Variants in L3MBTL2 observed in about 807,000 individuals in gnomAD.
L3MBTL2 encodes the protein lethal(3)malignant brain tumor-like protein 2.
In L3MBTL2, 49 loss-of-function variants were observed where a neutral mutation model predicts 86.4. The ratio of observed to expected loss-of-function variants is 0.57; its 90% CI spans 0.45 to 0.72. The LOEUF is 0.72. Among genes scored for constraint, L3MBTL2 ranks in the 30% least tolerant of loss-of-function variants. The pLI is 0.00. For missense variants in L3MBTL2, 755 were observed against 923.7 expected (o/e 0.82, Z 2.37); for synonymous variants, 336 against 350.6 (o/e 0.96, Z 0.47).
intron 12 of L3MBTL2, among the ~76,000 whole-genome samples, chr22:41,226,234 G>A (rs1471780266): frequency 5.3e-5 from 8 of 152,004 alleles, no homozygotes; most frequent in Non-Finnish European, 1.2e-4. Context: ...CCGAGATCAT[G>A]CCATTGCACT....
In L3MBTL2 at chr22:41,227,850, G is replaced by A; in HGVS notation, c.1869G>A (p.Lys623=). The change falls in exon 15 of 17, where the codon AAG becomes AAA. Residue 623 remains lysine, a synonymous_variant. Transcript: ENST00000216237. The surrounding 1 kb of genome is among the most constrained non-coding windows in gnomAD (Gnocchi z 6.0). The part of the protein sequence containing the change: ...LKAKEATKKK[K]KQFGKKRKRI... The stretch of plus-strand genomic sequence containing the variant: ...CCAAAGAGGCCACAAAGAAGAAAAA[G>A]AAACAGTTTGGGAAGAAAAGTAAGT... The A allele has an allele frequency of 1.9e-6, 3 of 1,612,552 alleles. No homozygotes were observed. Among genetic ancestry groups the A allele is most frequent in the Non-Finnish European group, 1.7e-6 (2 of 1,179,262 alleles).
In L3MBTL2 at chr22:41,230,437, C is replaced by T. The variant is rs2032523411; in HGVS notation, c.*186C>T. On this transcript the variant is annotated 3_prime_UTR_variant, in exon 17 of 17. Coordinates refer to ENST00000216237, the MANE Select transcript of L3MBTL2 (RefSeq NM_031488.5). ...TCCTGGGACCCGCCTGTTGCTTCTGCCCTCCCCTGTGGAAAGGTCTATATG... is the reference window on the plus strand; with the variant it reads ...TCCTGGGACCCGCCTGTTGCTTCTGTCCTCCCCTGTGGAAAGGTCTATATG... 6.7e-6 allele frequency: 4 copies of T among 592,890 alleles called. No individual in the cohort carries two copies. Among genetic ancestry groups the T allele is most frequent in the Admixed American group, 3.0e-5 (1 of 33,316 alleles). The allele number at this position is 592,890 out of a possible 1,614,324, so 36.7% of individuals were successfully genotyped here.
In L3MBTL2 at chr22:41,227,744, G is replaced by C. The variant is rs2032286858; in HGVS notation, c.1823-60G>C. The C allele has an allele frequency of 8.1e-6, 13 of 1,611,564 alleles. No individual in the cohort carries two copies. Among genetic ancestry groups the C allele is most frequent in the Non-Finnish European group, 1.1e-5 (13 of 1,178,556 alleles). ...GGATGGGGTCTCGGGATGCGCCTGT[G>C]CCCTGTGTCCTCCCAGGGACCCTCT... On this transcript the variant is annotated intron_variant, in intron 14 of 16. Transcript: ENST00000216237. The surrounding 1 kb of genome is among the most constrained non-coding windows in gnomAD (Gnocchi z 6.0).
intron 1 of L3MBTL2, among the ~76,000 whole-genome samples, chr22:41,208,877 G>A (rs1199396949): frequency 6.6e-6 from 1 of 151,870 alleles, no homozygotes; most frequent in Non-Finnish European, 1.5e-5. Context: ...CAAGTACCTG[G>A]GATTACAGGC....
At chr22:41,216,633 G>A (rs1330141088) in intron 4 of L3MBTL2, among the ~76,000 whole-genome samples, 1 of 152,168 alleles carries the variant, frequency 6.6e-6, no homozygotes, top group African/African-American at 2.4e-5. Context: ...GCCTCTCTCT[G>A]AGTGTGTAGC....
At chr22:41,228,127 G>GT (rs2032320470) in intron 15 of L3MBTL2, 4 of 985,472 alleles carry the variant, frequency 4.1e-6, no homozygotes, top group Non-Finnish European at 4.8e-6. Flanking sequence ...AGGAAAAGAG[G>GT]TAAGAGATTG....
In L3MBTL2 at chr22:41,220,745, C is replaced by T. The variant is rs1402679245; in HGVS notation, c.730C>T (p.Leu244=). 1.9e-6 allele frequency: 3 copies of T among 1,612,926 alleles called. No individual in the cohort carries two copies. The highest frequency in any genetic ancestry group is 2.5e-6 in the Non-Finnish European group (3 of 1,179,376). The part of the protein sequence containing the change: ...SVIQTAGYRV[L]LRYEGFENDA... The stretch of plus-strand genomic sequence containing the variant: ...TCCTTTCCTTTCAGGGTATCGGGTG[C>T]TGCTTCGGTATGAAGGCTTTGAAAA... The change falls in exon 7 of 17, where the codon CTG becomes TTG. Residue 244 remains leucine (L), a synonymous_variant. Coordinates refer to ENST00000216237, the MANE Select transcript of L3MBTL2 (RefSeq NM_031488.5).
At position 41,225,350 on chromosome 22, in the gene L3MBTL2, G is replaced by A. The variant is rs750503438; in HGVS notation, c.1356+279G>A. Among the ~76,000 whole-genome samples, 7 of 152,180 alleles carry A rather than the reference G, an allele frequency of 4.6e-5. No individual in the cohort carries two copies. The highest frequency in any genetic ancestry group is 8.8e-5 in the Non-Finnish European group (6 of 68,030). ...GGCCCCTCCCTGTCACCTCACTGGG[G>A]CCTTCTTGCTGTGTGCCATCTCCTT... On this transcript the variant is annotated intron_variant, in intron 11 of 16. Transcript: ENST00000216237. This position sits in a 1 kb window ranked among gnomAD's most constrained non-coding sequence, Gnocchi z 4.1.
Position 41,230,541 on chromosome 22 carries a change from C to T in L3MBTL2, c.*290C>T, listed in dbSNP as rs2032531264. On this transcript the variant is annotated 3_prime_UTR_variant, in exon 17 of 17. Transcript: ENST00000216237. ...GTTCCCAAAGCTGGAACGCTAGCTG[C>T]CTGCTCTTCCTTAAGATGGCCTCCC... 2.4e-6 allele frequency: 1 copy of T among 418,652 alleles called. No homozygotes were observed. Among genetic ancestry groups the T allele is most frequent in the African/African-American group, 2.0e-5 (1 of 49,064 alleles). 25.9% of individuals were successfully genotyped at this position (418,652 alleles called of 1,614,324 possible).
chr22:41,230,079 G>GA, intron 16 of L3MBTL2, 60 bp from the exon 17 acceptor site: 2 of 532,748 alleles, frequency 3.8e-6, no homozygotes, highest in South Asian at 3.4e-5. Flanking sequence ...CAGCTCCTCC[G>GA]CCCCCACCCC....
chr22:41,216,837 T>C (rs779519121), intron 4 of L3MBTL2, among the ~76,000 whole-genome samples: 1 of 152,198 alleles, frequency 6.6e-6, no homozygotes, highest in African/African-American at 2.4e-5. Context: ...CCCAGGGATA[T>C]TTCAGTTTTC....
chr22:41,205,507 G>A, intron 1 of L3MBTL2, 121 bp downstream of exon 1: 5 of 1,222,054 alleles, frequency 4.1e-6, no homozygotes, highest in South Asian at 1.2e-5. Flanking sequence ...TGGATAAACT[G>A]AGGTAGTTAA....
intron 8 of L3MBTL2, 196 bp downstream of exon 8, chr22:41,221,483 G>GCC: frequency 1.7e-6 from 1 of 589,824 alleles, no homozygotes. Context: ...GTCGGCCACT[G>GCC]CCCCACCCAG....
Position 41,227,022 on chromosome 22 carries a change from G to A in L3MBTL2, c.1588-67G>A, listed in dbSNP as rs1387511972. The stretch of plus-strand genomic sequence containing the variant: ...CCTGCCAGTTCTTCAAGTGCCTCCG[G>A]GCCGGGGCAAGCCTGCTGGGGTAGG... On this transcript the variant is annotated intron_variant, in intron 13 of 16. Transcript: ENST00000216237. The surrounding 1 kb of genome is among the most constrained non-coding windows in gnomAD (Gnocchi z 6.0). 1.4e-6 allele frequency: 2 copies of A among 1,418,864 alleles called. No homozygotes were observed. Among genetic ancestry groups the A allele is most frequent in the Non-Finnish European group, 1.9e-6 (2 of 1,036,586 alleles). 87.9% of individuals were successfully genotyped at this position (1,418,864 alleles called of 1,614,324 possible).
At chr22:41,228,326 G>C in intron 15 of L3MBTL2, 1 of 985,490 alleles carries the variant, frequency 1.0e-6, no homozygotes, top group Non-Finnish European at 1.2e-6. Flanking sequence ...AGGCAGCTGA[G>C]TGGCAGGACT....
intron 2 of L3MBTL2, among the ~76,000 whole-genome samples, chr22:41,212,417 G>C (rs1265849631): frequency 7.8e-6 from 1 of 128,580 alleles, no homozygotes; most frequent in Non-Finnish European, 1.6e-5. Flanking sequence ...TTTTTTTTGA[G>C]ACAGCGTTTC....
rs1338358821 is a variant in L3MBTL2, at chr22:41,227,825, C to T, written c.1844C>T (p.Ala615Val). ...ACAGAACCGGCCACACCGCTGAAGG[C>T]CAAAGAGGCCACAAAGAAGAAAAAG... ...VAAEPATPLK[A>V]KEATKKKKKQ... The change falls in exon 15 of 17, where the codon GCC becomes GTC. Residue 615 changes from alanine to valine, a missense_variant. Physicochemically the swap from Ala to Val is moderately conservative, Grantham distance 64. Transcript: ENST00000216237. The surrounding 1 kb of genome is among the most constrained non-coding windows in gnomAD (Gnocchi z 6.0). 6.2e-7 allele frequency: 1 copy of T among 1,613,844 alleles called. No individual in the cohort carries two copies. The highest frequency in any genetic ancestry group is 2.2e-5 in the East Asian group (1 of 44,866).
At chr22:41,210,789 C>T (rs1289369656) in intron 2 of L3MBTL2, among the ~76,000 whole-genome samples, 1 of 152,194 alleles carries the variant, frequency 6.6e-6, no homozygotes, top group Non-Finnish European at 1.5e-5. Flanking sequence ...ATTGTGACTT[C>T]ACTCATTCTT....
In L3MBTL2 at chr22:41,219,416, C is replaced by T; in HGVS notation, c.601-3C>T. On this transcript the variant is annotated splice_polypyrimidine_tract_variant and splice_region_variant and intron_variant, in intron 5 of 16. Coordinates refer to ENST00000216237, the MANE Select transcript of L3MBTL2 (RefSeq NM_031488.5). ...CTCTCGGTACACTCTCATCGCCACA[C>T]AGGTCCCACTCTATGACCAGTGGGA... 1 of 1,604,456 alleles carries T rather than the reference C, an allele frequency of 6.2e-7. No individual in the cohort carries two copies. Among genetic ancestry groups the T allele is most frequent in the African/African-American group, 1.3e-5 (1 of 74,830 alleles).
Sources: allele counts gnomAD v4.1 joint callset (sites outside exome capture counted in the v4.1 genomes callset), GRCh38; gene constraint gnomAD v4.1.1; non-coding constraint Gnocchi (gnomAD v3.1); transcripts MANE v1.5; gene names NCBI Gene and HGNC (gene_info 2026-07-23, HGNC 2026-07-21).